The following PPP2R5C variants were observed in gnomAD, a reference collection of about 807,000 sequenced individuals.
PPP2R5C encodes serine/threonine-protein phosphatase 2A 56 kDa regulatory subunit gamma isoform.
PPP2R5C carries 7 observed loss-of-function variants against 68.9 expected under a neutral mutation model. The ratio of observed to expected loss-of-function variants is 0.10; its 90% confidence interval spans 0.06 to 0.19. The LOEUF is 0.19. PPP2R5C is among the 10% of genes least tolerant of loss of function. The pLI is 1.00. For synonymous variants in PPP2R5C, 210 were observed against 222.2 expected, an observed-to-expected ratio of 0.95 and a Z score of 0.49; for missense variants, 348 against 641.3, an observed-to-expected ratio of 0.54 and a Z score of 4.94.
chr14:101,817,828 A>C (rs2039813950), intron 1 of PPP2R5C, among the ~76,000 whole-genome samples: 1 of 152,188 alleles, frequency 6.6e-6, no homozygotes, highest in South Asian at 2.1e-4. Context: ...AAGTGAATGC[A>C]CATAAAGAAC....
intron 6 of PPP2R5C, 89 bp from the exon 9 acceptor site, chr14:101,892,910 TG>T: frequency 4.1e-6 from 4 of 964,410 alleles, no homozygotes; most frequent in African/African-American, 1.6e-5. Flanking sequence ...TGGGTTTTGA[TG>T]GTGAAAACAA....
chr14:101,927,184 A>G (rs537773530), exon 14 of PPP2R5C: 1 of 151,748 alleles, frequency 6.6e-6, no homozygotes, highest in South Asian at 2.1e-4. Flanking sequence ...TTCTGGGAAG[A>G]CTCTCTTTTT....
At chr14:101,764,550 G>A (rs951726838) in intron 2 of PPP2R5C, among the ~76,000 whole-genome samples, 2 of 152,102 alleles carry the variant, frequency 1.3e-5, no homozygotes, top group African/African-American at 4.8e-5. Flanking sequence ...CTCCTCTTCA[G>A]CAGGTGGTTT....
At chr14:101,824,110 A>G (rs2040254073) in intron 1 of PPP2R5C, 9 of 1,288,786 alleles carry the variant, frequency 7.0e-6, no homozygotes, top group South Asian at 1.2e-5. Context: ...GAGCTCGCAC[A>G]TCCCGAGAGA....
chr14:101,793,276 C>T (rs751322080), intron 3 of PPP2R5C, among the ~76,000 whole-genome samples: 4 of 152,206 alleles, frequency 2.6e-5, no homozygotes, highest in Non-Finnish European at 5.9e-5. Flanking sequence ...ACTGGTCTGA[C>T]ATTACTTTTA....
chr14:101,887,589 T>A (rs1464752710), intron 5 of PPP2R5C, among the ~76,000 whole-genome samples: 1 of 152,208 alleles, frequency 6.6e-6, no homozygotes, highest in African/African-American at 2.4e-5. Context: ...GCCTCTGTGA[T>A]GCCTTGAGCT....
intron 1 of PPP2R5C, among the ~76,000 whole-genome samples, chr14:101,826,475 C>T (rs888603066): frequency 6.6e-6 from 1 of 152,178 alleles, no homozygotes; most frequent in African/African-American, 2.4e-5. Flanking sequence ...TCTGGATTCT[C>T]TATTCCATTG....
intron 1 of PPP2R5C, chr14:101,810,080 A>G: frequency 6.4e-7 from 1 of 1,550,714 alleles, no homozygotes; most frequent in Non-Finnish European, 8.9e-7. Flanking sequence ...TTCCGTGGGT[A>G]GTTAATAAAT....
In PPP2R5C at chr14:101,882,608, G is replaced by A; in HGVS notation, c.405+337G>A. On this transcript the variant is annotated intron_variant, in intron 3 of 13. Coordinates refer to ENST00000334743, the Ensembl canonical transcript of PPP2R5C. The surrounding 1 kb of genome is among the most constrained non-coding windows in gnomAD (Gnocchi z 4.9). The stretch of plus-strand genomic sequence containing the variant: ...CCTCATATTTAATAGGTGCCTGCTG[G>A]GCCCCCAGGTCCTGCGCTGGCCACT... 5.1e-6 allele frequency: 1 copy of A among 195,982 alleles called. No homozygotes were observed. 12.1% of individuals were successfully genotyped at this position (195,982 alleles called of 1,614,324 possible).
At chr14:101,856,498 T>C (rs1228120544) in intron 1 of PPP2R5C, among the ~76,000 whole-genome samples, 188 bp from the exon 4 acceptor site, 1 of 151,092 alleles carries the variant, frequency 6.6e-6, no homozygotes, top group Non-Finnish European at 1.5e-5. Flanking sequence ...AAACATATAA[T>C]ATGACCAGCG....
At position 101,917,422 on chromosome 14, in the gene PPP2R5C, T is replaced by A. The variant is rs546334575; in HGVS notation, c.1327-409T>A. On this transcript the variant is annotated intron_variant, in intron 12 of 13. Transcript: ENST00000334743. The surrounding 1 kb of genome is among the most constrained non-coding windows in gnomAD (Gnocchi z 4.4). ...CGTGAGAGGAAAGGGAAAAGAATCA[T>A]GAGGTTGGAGGTCGCTGGCAAAGAA... is the stretch of plus-strand genomic sequence containing the variant. Among the ~76,000 whole-genome samples, 1 of 151,904 alleles carries A rather than the reference T, an allele frequency of 6.6e-6. No individual in the cohort carries two copies. Among genetic ancestry groups the A allele is most frequent in the African/African-American group, 2.4e-5 (1 of 41,358 alleles).
intron 1 of PPP2R5C, among the ~76,000 whole-genome samples, chr14:101,854,043 A>G (rs2042290728): frequency 6.6e-6 from 1 of 152,208 alleles, no homozygotes; most frequent in Non-Finnish European, 1.5e-5. Context: ...GCAAAGAGGT[A>G]ATTCCAAAAA....
At chr14:101,803,552 G>A (rs984037904) in intron 3 of PPP2R5C, among the ~76,000 whole-genome samples, 1 of 151,998 alleles carries the variant, frequency 6.6e-6, no homozygotes, top group African/African-American at 2.4e-5. Context: ...GTGAAACCCT[G>A]TCCCTACTAA....
intron 2 of PPP2R5C, among the ~76,000 whole-genome samples, chr14:101,785,544 A>C (rs989551777): frequency 2.0e-5 from 3 of 152,004 alleles, no homozygotes; most frequent in Non-Finnish European, 4.4e-5. Flanking sequence ...TCATTGTCCC[A>C]TTGCCTTCTC....
chr14:101,826,711 T>C (rs910176647), intron 1 of PPP2R5C, among the ~76,000 whole-genome samples: 1 of 152,192 alleles, frequency 6.6e-6, no homozygotes, highest in Admixed American at 6.5e-5. Flanking sequence ...GTTCCTTGTC[T>C]CTTTCTTCTA....
At chr14:101,851,550 C>A (rs2042155669) in intron 1 of PPP2R5C, among the ~76,000 whole-genome samples, 1 of 152,138 alleles carries the variant, frequency 6.6e-6, no homozygotes, top group Admixed American at 6.5e-5. Flanking sequence ...ACGTGAGTGA[C>A]CAGGGAGTAC....
At chr14:101,800,335 G>A (rs1043514100) in intron 3 of PPP2R5C, among the ~76,000 whole-genome samples, 1 of 152,198 alleles carries the variant, frequency 6.6e-6, no homozygotes, top group African/African-American at 2.4e-5. Flanking sequence ...GCCGAGGCAG[G>A]CGGATCACCT....
At chr14:101,894,014 G>T (rs2045140388) in intron 7 of PPP2R5C, among the ~76,000 whole-genome samples, 1 of 152,196 alleles carries the variant, frequency 6.6e-6, no homozygotes, top group Non-Finnish European at 1.5e-5. Context: ...CAGAGCTTAT[G>T]GTAGGGGCTA....
intron 1 of PPP2R5C, among the ~76,000 whole-genome samples, chr14:101,840,406 T>TTCG (rs2041388393): frequency 6.6e-6 from 1 of 151,050 alleles, no homozygotes; most frequent in Non-Finnish European, 1.5e-5. Flanking sequence ...TCTTGCCTTT[T>TTCG]TCGTCCGCTT....
Sources: allele counts gnomAD v4.1 joint callset (sites outside exome capture counted in the v4.1 genomes callset), GRCh38; gene constraint gnomAD v4.1.1; non-coding constraint Gnocchi (gnomAD v3.1); transcripts MANE v1.5; gene names NCBI Gene and HGNC (gene_info 2026-07-23, HGNC 2026-07-21).